Variants in CACNA2D3 observed in about 807,000 individuals in gnomAD.
The protein encoded by CACNA2D3 is calcium voltage-gated channel auxiliary subunit alpha2delta 3.
In CACNA2D3, 60 loss-of-function variants were observed where a neutral mutation model predicts 160.6. The ratio of observed to expected loss-of-function variants is 0.37; its 90% confidence interval spans 0.30 to 0.46. The LOEUF (loss-of-function observed/expected upper bound fraction) is 0.46, where lower values mean the gene tolerates loss of function less well. Ranked by LOEUF, CACNA2D3 falls within the 20% of genes least tolerant of loss-of-function variation. CACNA2D3 has a pLI of 1.00. For missense variants in CACNA2D3, 1,205 were observed against 1,365.0 expected (o/e 0.88, Z 1.85); for synonymous variants, 558 against 492.9 (o/e 1.13, Z -1.75).
At chr3:55,004,422 A>G (rs1703045148) in intron 31 of CACNA2D3, among the ~76,000 whole-genome samples, 1 of 152,204 alleles carries the variant, frequency 6.6e-6, no homozygotes, top group Non-Finnish European at 1.5e-5. Context: ...GGGTCTTAGA[A>G]TCCAGTTCAG....
chr3:54,412,623 G>A (rs867981002), intron 4 of CACNA2D3, among the ~76,000 whole-genome samples: 1 of 29,358 alleles, frequency 3.4e-5, no homozygotes, highest in Non-Finnish European at 9.7e-5. Flanking sequence ...TTTTTTTTTA[G>A]TCTGACAACC....
chr3:54,574,802 C>T (rs562791526), intron 8 of CACNA2D3, among the ~76,000 whole-genome samples: 4 of 152,320 alleles, frequency 2.6e-5, no homozygotes, highest in African/African-American at 9.6e-5. Context: ...CAGCATTAAC[C>T]GGGCCAATAT....
At chr3:54,159,995 G>A (rs1017587154) in intron 2 of CACNA2D3, among the ~76,000 whole-genome samples, 4 of 152,182 alleles carry the variant, frequency 2.6e-5, no homozygotes, top group Non-Finnish European at 4.4e-5. Context: ...GGCAAGCTCT[G>A]TAATCTTGTT....
At chr3:54,898,171 CTTTT>C (rs773743660) in intron 26 of CACNA2D3, among the ~76,000 whole-genome samples, 1 of 97,950 alleles carries the variant, frequency 1.0e-5, no homozygotes, top group Non-Finnish European at 2.3e-5. Flanking sequence ...TCTTTCTTTT[CTTTT>C]CTTTTCTTTT....
chr3:54,168,497 G>T lies in CACNA2D3; in HGVS notation c.204+44903G>T, dbSNP rs917367275. Among the ~76,000 whole-genome samples the T allele has an allele frequency of 2.0e-5, 3 of 152,302 alleles. No homozygotes were observed. The South Asian group carries it at 6.2e-4, about 32-fold the overall frequency. On this transcript the variant is annotated intron_variant, in intron 2 of 37. Coordinates refer to ENST00000474759, the MANE Select transcript of CACNA2D3 (RefSeq NM_018398.3). ...TTTGCAGTTTTAAATGGAGAGCCCA[G>T]ATTTGGAATTCACCTCCCATGATGC...
intron 5 of CACNA2D3, among the ~76,000 whole-genome samples, chr3:54,514,573 G>A (rs1305346054): frequency 6.6e-6 from 1 of 152,208 alleles, no homozygotes; most frequent in African/African-American, 2.4e-5. Context: ...TGGGAAGGCA[G>A]GCGGGAAGTC....
In CACNA2D3 at chr3:55,042,462, A is replaced by C. The variant is rs186044898; in HGVS notation, c.2987+24145A>C. 3.3e-5 allele frequency among the ~76,000 whole-genome samples: 5 copies of C among 152,200 alleles called. No individual in the cohort carries two copies. The East Asian group carries it at 9.7e-4, about 29-fold the overall frequency. On this transcript the variant is annotated intron_variant, in intron 35 of 37. Coordinates refer to ENST00000474759, the MANE Select transcript of CACNA2D3 (RefSeq NM_018398.3). ...CTTTGTCTGATCTTAATTTAGCCAA[A>C]CCAGCTTTCTTCCACTTAGAATTAG...
At chr3:54,711,193 A>G (rs1381365256) in intron 11 of CACNA2D3, among the ~76,000 whole-genome samples, 1 of 152,120 alleles carries the variant, frequency 6.6e-6, no homozygotes, top group African/African-American at 2.4e-5. Context: ...AAAAAAGGAG[A>G]GTAATAGCCA....
At chr3:54,907,281 C>T (rs17054531) in intron 27 of CACNA2D3, among the ~76,000 whole-genome samples, 64,260 of 152,008 alleles carry the variant, frequency 0.42, 14,721 homozygotes, top group East Asian at 0.79. Flanking sequence ...CCTGTGCCTT[C>T]CTTTTCACAT....
intron 4 of CACNA2D3, among the ~76,000 whole-genome samples, chr3:54,483,596 T>C (rs1200466677): frequency 6.6e-6 from 1 of 152,198 alleles, no homozygotes; most frequent in Non-Finnish European, 1.5e-5. Flanking sequence ...ATGTTTAATT[T>C]TTTATCCTAT....
chr3:54,551,433 A>T (rs1439788739), intron 5 of CACNA2D3, among the ~76,000 whole-genome samples: 1 of 152,220 alleles, frequency 6.6e-6, no homozygotes, highest in African/African-American at 2.4e-5. Flanking sequence ...ATATTAGAAA[A>T]TATGACATGA....
In CACNA2D3 at chr3:54,233,983, A is replaced by G. The variant is rs532168751; in HGVS notation, c.205-86459A>G. 3.1e-3 allele frequency among the ~76,000 whole-genome samples: 470 copies of G among 152,312 alleles called. 3 individuals are homozygous for G. The highest frequency in any genetic ancestry group is 0.011 in the African/African-American group (444 of 41,572). ...TAGGAACGGGCAAAGATTTCATGAC[A>G]AAGACAGCAAAAGCAAAAATTGAGA... On this transcript the variant is annotated intron_variant, in intron 2 of 37. Transcript: ENST00000474759.
chr3:54,251,186 G>C (rs1012314771), intron 2 of CACNA2D3, among the ~76,000 whole-genome samples: 1 of 152,134 alleles, frequency 6.6e-6, no homozygotes, highest in Admixed American at 6.5e-5. Context: ...TCTTGCTCCA[G>C]TGTTTTGAAA....
chr3:54,510,435 A>G (rs557863972), intron 5 of CACNA2D3, among the ~76,000 whole-genome samples: 6 of 152,212 alleles, frequency 3.9e-5, no homozygotes, highest in Non-Finnish European at 8.8e-5. Flanking sequence ...AGTCAGGTCC[A>G]GGGAAGTTAC....
At chr3:54,410,447 C>G (rs551494240) in intron 4 of CACNA2D3, among the ~76,000 whole-genome samples, 21 of 152,234 alleles carry the variant, frequency 1.4e-4, no homozygotes, top group African/African-American at 4.1e-4. Flanking sequence ...GCTAATGCAA[C>G]TGGTGACCTT....
chr3:54,711,240 C>T (rs898745789), intron 11 of CACNA2D3, among the ~76,000 whole-genome samples: 2 of 152,186 alleles, frequency 1.3e-5, no homozygotes, highest in Non-Finnish European at 2.9e-5. Context: ...GACTGTGCCT[C>T]AGCGCTCCAC....
chr3:54,911,328 T>C (rs1161126112), intron 27 of CACNA2D3, among the ~76,000 whole-genome samples: 2 of 119,896 alleles, frequency 1.7e-5, no homozygotes, highest in South Asian at 3.3e-4. Context: ...CCGCTTCTCC[T>C]CCTCCCCCTC....
intron 27 of CACNA2D3, among the ~76,000 whole-genome samples, chr3:54,938,697 A>T (rs978905158): frequency 6.6e-6 from 1 of 151,472 alleles, no homozygotes; most frequent in Non-Finnish European, 1.5e-5. Context: ...ATTTTTCTAC[A>T]GTGATAAAAA....
intron 3 of CACNA2D3, among the ~76,000 whole-genome samples, chr3:54,386,240 T>G (rs1699183892): frequency 6.6e-6 from 1 of 152,232 alleles, no homozygotes; most frequent in Non-Finnish European, 1.5e-5. Flanking sequence ...ATATTAGAAC[T>G]GGGTACAGAA....
Sources: allele counts gnomAD v4.1 joint callset (sites outside exome capture counted in the v4.1 genomes callset), GRCh38; gene constraint gnomAD v4.1.1; transcripts MANE v1.5; gene names NCBI Gene and HGNC (gene_info 2026-07-23, HGNC 2026-07-21).